The following SUCLG1 variants were observed in gnomAD, a reference collection of about 807,000 sequenced individuals.
The protein encoded by SUCLG1 is succinate--CoA ligase [ADP/GDP-forming] subunit alpha, mitochondrial.
Under a neutral mutation model 37.3 loss-of-function variants are expected in SUCLG1, and 26 were observed. The ratio of observed to expected loss-of-function variants is 0.70; its 90% CI spans 0.51 to 0.97. The LOEUF (loss-of-function observed/expected upper bound fraction) is 0.97. Among genes scored for constraint, SUCLG1 ranks in the 50% least tolerant of loss-of-function variants. The probability of loss-of-function intolerance (pLI) is 0.00; values close to 1 mark genes in which losing one functional copy is unlikely to be tolerated. For synonymous variants in SUCLG1, 163 were observed against 155.6 expected, an observed-to-expected ratio of 1.05 and a Z score of -0.36; for missense variants, 433 against 432.9, an observed-to-expected ratio of 1.00 and a Z score of 0.00.
intron 1 of SUCLG1, among the ~76,000 whole-genome samples, chr2:84,456,129 C>T (rs1028678547): frequency 3.3e-5 from 5 of 152,244 alleles, no homozygotes; most frequent in African/African-American, 1.2e-4. Flanking sequence ...ACTTTAAATG[C>T]ATCTCTGATT....
intron 8 of SUCLG1, among the ~76,000 whole-genome samples, chr2:84,424,933 C>T (rs945768007): frequency 6.6e-6 from 1 of 152,200 alleles, no homozygotes; most frequent in Non-Finnish European, 1.5e-5. Context: ...ATCTCCCCAT[C>T]CTCTTTAGAT....
At chr2:84,433,477 T>A (rs761944770) in intron 5 of SUCLG1, 42 bp from the exon 6 acceptor site, 3 of 1,545,918 alleles carry the variant, frequency 1.9e-6, no homozygotes, top group South Asian at 2.2e-5. Flanking sequence ...TGTGTTTCTA[T>A]GTTAGACTAA....
intron 2 of SUCLG1, chr2:84,448,929 T>C: frequency 2.4e-6 from 1 of 408,788 alleles, no homozygotes; most frequent in Middle Eastern, 3.5e-4. Flanking sequence ...ACATGCCAAC[T>C]TGTTAACAGA....
At chr2:84,437,323 T>C in intron 5 of SUCLG1, among the ~76,000 whole-genome samples, 1 of 151,988 alleles carries the variant, frequency 6.6e-6, no homozygotes, top group Non-Finnish European at 1.5e-5. Context: ...CTGTAAAAAA[T>C]AAACCATAAA....
At chr2:84,427,999 A>T (rs1052102282) in intron 7 of SUCLG1, among the ~76,000 whole-genome samples, 20 of 152,104 alleles carry the variant, frequency 1.3e-4, no homozygotes, top group African/African-American at 4.8e-4. Context: ...CCTGATTCCC[A>T]CTAAGATGCA....
chr2:84,451,781 C>G (rs1440078034), intron 1 of SUCLG1, among the ~76,000 whole-genome samples: 1 of 152,180 alleles, frequency 6.6e-6, no homozygotes, highest in Non-Finnish European at 1.5e-5. Context: ...CTCTAATGCA[C>G]AGGTGTAGAT....
intron 1 of SUCLG1, among the ~76,000 whole-genome samples, chr2:84,455,330 A>G (rs559503625): frequency 6.6e-6 from 1 of 152,236 alleles, no homozygotes; most frequent in South Asian, 2.1e-4. Flanking sequence ...CCCCGTCTCT[A>G]CTAAAAATAC....
chr2:84,442,717 G>C (rs1384955577), intron 3 of SUCLG1, among the ~76,000 whole-genome samples: 1 of 152,122 alleles, frequency 6.6e-6, no homozygotes, highest in Admixed American at 6.5e-5. Flanking sequence ...GCAGTTTGCG[G>C]AGAATCTAGG....
intron 7 of SUCLG1, among the ~76,000 whole-genome samples, chr2:84,427,735 C>G (rs1672556018): frequency 6.6e-6 from 1 of 152,298 alleles, no homozygotes; most frequent in Non-Finnish European, 1.5e-5. Context: ...ATTACCAGTT[C>G]GTCTGCCAGT....
intron 7 of SUCLG1, chr2:84,426,100 CT>C (rs1672532360): frequency 6.0e-6 from 1 of 165,510 alleles, no homozygotes; most frequent in African/African-American, 2.4e-5. Flanking sequence ...TTGGACAAGG[CT>C]TCTTGAGAAC....
chr2:84,432,977 G>A (rs553487217), intron 6 of SUCLG1: 3 of 284,248 alleles, frequency 1.1e-5, no homozygotes, highest in African/African-American at 2.2e-5. Flanking sequence ...CCTCAAGAAT[G>A]AGACACTGAA....
chr2:84,431,686 C>A, intron 6 of SUCLG1, 27 bp from the exon 7 acceptor site: 1 of 1,613,170 alleles, frequency 6.2e-7, no homozygotes, highest in South Asian at 1.1e-5. Flanking sequence ...ATATCAATAG[C>A]TGGAAATTTA....
chr2:84,439,102 C>G (rs545827226), intron 5 of SUCLG1, among the ~76,000 whole-genome samples: 125 of 151,904 alleles, frequency 8.2e-4, no homozygotes, highest in Admixed American at 1.3e-3. Flanking sequence ...CTGCGAAGGT[C>G]CGCGGCTTCA....
intron 7 of SUCLG1, 168 bp from the exon 8 acceptor site, chr2:84,425,771 T>C: frequency 1.4e-6 from 1 of 710,098 alleles, no homozygotes; most frequent in Non-Finnish European, 2.4e-6. Context: ...AACCACTGCA[T>C]TCTCCTTTGA....
chr2:84,424,964 T>C (rs1003671976), intron 8 of SUCLG1, among the ~76,000 whole-genome samples: 7 of 152,132 alleles, frequency 4.6e-5, no homozygotes, highest in East Asian at 3.9e-4. Context: ...CCAAACTCCT[T>C]CTTCATCCAA....
intron 8 of SUCLG1, 115 bp downstream of exon 8, chr2:84,425,300 A>C: frequency 8.1e-7 from 1 of 1,241,026 alleles, no homozygotes; most frequent in Non-Finnish European, 1.2e-6. Context: ...TAAGCTGCAC[A>C]TCAGAAAACC....
intron 1 of SUCLG1, among the ~76,000 whole-genome samples, chr2:84,450,427 A>C (rs1244686983): frequency 6.6e-6 from 1 of 151,956 alleles, no homozygotes; most frequent in African/African-American, 2.4e-5. Flanking sequence ...AAAAAAAAAA[A>C]AAACCCTAGG....
At chr2:84,440,273 T>C in intron 5 of SUCLG1, among the ~76,000 whole-genome samples, 1 of 152,102 alleles carries the variant, frequency 6.6e-6, no homozygotes, top group East Asian at 1.9e-4. Context: ...CTCGGGAGGC[T>C]AAGGCAGGAG....
At chr2:84,450,819 C>A (rs1317777602) in intron 1 of SUCLG1, among the ~76,000 whole-genome samples, 1 of 152,208 alleles carries the variant, frequency 6.6e-6, no homozygotes, top group Admixed American at 6.5e-5. Flanking sequence ...GAAAGAGCAA[C>A]AACATCTGCT....
Sources: allele counts gnomAD v4.1 joint callset (sites outside exome capture counted in the v4.1 genomes callset), GRCh38; gene constraint gnomAD v4.1.1; transcripts MANE v1.5; gene names NCBI Gene and HGNC (gene_info 2026-07-23, HGNC 2026-07-21).